The following SRPK2 variants were observed in gnomAD, a reference collection of about 807,000 sequenced individuals.
The protein encoded by SRPK2 is SFRS protein kinase 2.
In SRPK2, 21 loss-of-function variants were observed where a neutral mutation model predicts 90.8. That is an observed-to-expected ratio of 0.23 (90% CI 0.16 to 0.33). The LOEUF (loss-of-function observed/expected upper bound fraction) is 0.33, where lower values mean the gene tolerates loss of function less well. Ranked by LOEUF, SRPK2 falls within the 10% of genes least tolerant of loss-of-function variation. SRPK2 has a pLI of 1.00. For missense variants in SRPK2, 620 were observed against 869.0 expected, an observed-to-expected ratio of 0.71 and a Z score of 3.60; for synonymous variants, 288 against 311.1, an observed-to-expected ratio of 0.93 and a Z score of 0.78.
At chr7:105,376,602 C>T (rs371379731) in intron 2 of SRPK2, among the ~76,000 whole-genome samples, 4 of 150,368 alleles carry the variant, frequency 2.7e-5, no homozygotes, top group East Asian at 3.9e-4. Flanking sequence ...TGCAGTGGCA[C>T]GATCTGGCTC....
chr7:105,288,766 G>C (rs1476499607), intron 2 of SRPK2, among the ~76,000 whole-genome samples: 1 of 152,104 alleles, frequency 6.6e-6, no homozygotes, highest in African/African-American at 2.4e-5. Flanking sequence ...AAGTCTATAA[G>C]TAGAGCCATC....
At chr7:105,286,870 C>T (rs1808171065) in intron 2 of SRPK2, among the ~76,000 whole-genome samples, 1 of 152,204 alleles carries the variant, frequency 6.6e-6, no homozygotes, top group African/African-American at 2.4e-5. Context: ...AGGAGAATCA[C>T]ACAAAGATGT....
chr7:105,286,216 ACATTCCTTT>A (rs1808084864), intron 2 of SRPK2, among the ~76,000 whole-genome samples: 1 of 152,214 alleles, frequency 6.6e-6, no homozygotes, highest in Non-Finnish European at 1.5e-5. Flanking sequence ...TTTTTCAATG[ACATTCCTTT>A]ACATTCATAA....
intron 2 of SRPK2, among the ~76,000 whole-genome samples, chr7:105,367,713 C>A (rs1478024069): frequency 6.6e-6 from 1 of 152,190 alleles, no homozygotes; most frequent in East Asian, 1.9e-4. Flanking sequence ...GTTTGCACTT[C>A]TCTTGACTGC....
intron 2 of SRPK2, among the ~76,000 whole-genome samples, chr7:105,359,907 A>G (rs149213688): frequency 6.6e-6 from 1 of 152,260 alleles, no homozygotes. Context: ...CTTGGTGCAG[A>G]GCTGAGTTCA....
intron 2 of SRPK2, among the ~76,000 whole-genome samples, chr7:105,289,637 T>C (rs558163473): frequency 6.6e-6 from 1 of 152,236 alleles, no homozygotes; most frequent in Non-Finnish European, 1.5e-5. Context: ...TGGTTGATAT[T>C]CTATCCATAC....
chr7:105,300,046 T>C (rs931692774), intron 2 of SRPK2, among the ~76,000 whole-genome samples: 3 of 151,976 alleles, frequency 2.0e-5, no homozygotes, highest in African/African-American at 7.2e-5. Context: ...TTAATTCAAA[T>C]GTACAAATTA....
intron 7 of SRPK2, among the ~76,000 whole-genome samples, chr7:105,149,727 T>C (rs1805340565): frequency 6.6e-6 from 1 of 152,170 alleles, no homozygotes; most frequent in African/African-American, 2.4e-5. Context: ...AACAGTAAGC[T>C]ATTAGTAGTT....
chr7:105,218,215 A>G (rs1036671453), intron 2 of SRPK2, among the ~76,000 whole-genome samples: 2 of 152,232 alleles, frequency 1.3e-5, no homozygotes, highest in African/African-American at 4.8e-5. Flanking sequence ...CCTGGGGTGA[A>G]GAATTTGAAG....
At chr7:105,343,087 C>T (rs1310182723) in intron 2 of SRPK2, among the ~76,000 whole-genome samples, 2 of 152,194 alleles carry the variant, frequency 1.3e-5, no homozygotes, top group Non-Finnish European at 2.9e-5. Flanking sequence ...GGACAGAAGG[C>T]TTCAAGGAGG....
chr7:105,372,278 C>A (rs1481185063), intron 2 of SRPK2, among the ~76,000 whole-genome samples: 1 of 151,302 alleles, frequency 6.6e-6, no homozygotes, highest in East Asian at 1.9e-4. Flanking sequence ...AGTGGAAAAG[C>A]AGTATTTCTA....
At chr7:105,293,228 G>A (rs559657880) in intron 2 of SRPK2, among the ~76,000 whole-genome samples, 1 of 151,840 alleles carries the variant, frequency 6.6e-6, no homozygotes, top group East Asian at 1.9e-4. Flanking sequence ...AACCAGGGAG[G>A]TGGAGGTTGT....
At position 105,166,086 on chromosome 7, in the gene SRPK2, A is replaced by C. The variant is rs114526605; in HGVS notation, c.514+1291T>G. Among the ~76,000 whole-genome samples, 124 of 152,288 alleles carry C rather than the reference A, an allele frequency of 8.1e-4. 1 individual carries two copies. The highest frequency in any genetic ancestry group is 2.8e-3 in the African/African-American group (116 of 41,556). The stretch of plus-strand genomic sequence containing the variant: ...ACTAAGGCCATCCATCCTTTTAAAA[A>C]ACATGAGAAACACCTACACTTATAG... On this transcript the variant is annotated intron_variant, in intron 6 of 15. Transcript: ENST00000393651.
intron 6 of SRPK2, among the ~76,000 whole-genome samples, chr7:105,164,522 A>T (rs929709659): frequency 6.6e-6 from 1 of 152,254 alleles, no homozygotes; most frequent in Non-Finnish European, 1.5e-5. Flanking sequence ...TTTCACTGAC[A>T]TGGTTAAATT....
At chr7:105,233,904 T>C (rs1799824007) in intron 2 of SRPK2, among the ~76,000 whole-genome samples, 1 of 152,134 alleles carries the variant, frequency 6.6e-6, no homozygotes, top group Admixed American at 6.6e-5. Context: ...ATCATATTTT[T>C]TTGGAAACTA....
At chr7:105,208,838 G>C (rs1335538634) in intron 2 of SRPK2, among the ~76,000 whole-genome samples, 1 of 152,056 alleles carries the variant, frequency 6.6e-6, no homozygotes, top group Non-Finnish European at 1.5e-5. Context: ...AAAAATAAAA[G>C]AAGCCAGGTG....
At position 105,126,349 on chromosome 7, in the gene SRPK2, G is replaced by A. The variant is rs1018777316; in HGVS notation, c.1823-9C>T. ...GATGTGGGCTATGTGGTCTATGGAG[G>A]AGAGAAAAAAAGGATATGGGAATGG... On this transcript the variant is annotated splice_polypyrimidine_tract_variant and intron_variant, in intron 14 of 15. Coordinates refer to ENST00000393651, the MANE Select transcript of SRPK2 (RefSeq NM_182692.3). 2 of 1,606,256 alleles carry A rather than the reference G, an allele frequency of 1.2e-6. No individual in the cohort carries two copies. The highest frequency in any genetic ancestry group is 2.2e-5 in the South Asian group (2 of 90,734).
intron 2 of SRPK2, among the ~76,000 whole-genome samples, chr7:105,220,556 CA>C (rs1563101133): frequency 6.6e-6 from 1 of 152,036 alleles, no homozygotes; most frequent in Non-Finnish European, 1.5e-5. Context: ...TACAAGTGTT[CA>C]AAAACTCAAA....
chr7:105,385,619 C>T (rs1247929708), intron 2 of SRPK2, among the ~76,000 whole-genome samples: 1 of 152,166 alleles, frequency 6.6e-6, no homozygotes, highest in South Asian at 2.1e-4. Flanking sequence ...TTGGGTTTCT[C>T]GAATACTTCC....
Sources: gnomAD v4.1 joint callset for allele counts (sites outside exome capture counted in the v4.1 genomes callset) on GRCh38, gnomAD v4.1.1 for gene constraint, MANE v1.5 for transcripts, NCBI Gene and HGNC (gene_info 2026-07-23, HGNC 2026-07-21) for gene names.